The following NFX1 variants were observed in gnomAD, a reference collection of about 807,000 sequenced individuals.
The protein encoded by NFX1 is nuclear transcription factor, X-box binding 1.
Under a neutral mutation model 137.2 loss-of-function variants are expected in NFX1, and 69 were observed. The ratio of observed to expected loss-of-function variants is 0.50; its 90% confidence interval spans 0.41 to 0.61. NFX1 has a LOEUF of 0.61. Among genes scored for constraint, NFX1 ranks in the 20% least tolerant of loss-of-function variants. The probability of loss-of-function intolerance (pLI) is 0.00; values close to 1 mark genes in which losing one functional copy is unlikely to be tolerated. For synonymous variants in NFX1, 495 were observed against 474.1 expected (o/e 1.04, Z -0.57); for missense variants, 1,167 against 1,391.0 (o/e 0.84, Z 2.56).
intron 14 of NFX1, 55 bp from the exon 15 acceptor site, chr9:33,346,983 G>T: frequency 7.0e-7 from 1 of 1,437,990 alleles, no homozygotes. Flanking sequence ...ATGTATAATG[G>T]TTTACATGGC....
rs759402860 is a variant in NFX1, at chr9:33,344,081, T to A, written c.2237T>A (p.Leu746Ter). 4 of 1,613,926 alleles carry A rather than the reference T, an allele frequency of 2.5e-6. No individual in the cohort carries two copies. The highest frequency in any genetic ancestry group is 3.4e-6 in the Non-Finnish European group (4 of 1,179,932). The change falls in exon 14 of 24, where the codon TTA (leucine) becomes TAA (stop). Residue 746 changes from leucine (L) to a stop codon, truncating the protein, a stop_gained. Transcript: ENST00000379540. LOFTEE classifies it high-confidence loss of function. ...GCTGCTCCACCAGGTTTTGATGAAT[T>A]AACCTGCCATTGTGGTGCATCAGTG... The part of the protein sequence containing the change: ...QTCWQASFDE[L>*]TCHCGASVIY...
chr9:33,361,450 T>G (rs901739630), intron 19 of NFX1, among the ~76,000 whole-genome samples: 1 of 151,988 alleles, frequency 6.6e-6, no homozygotes, highest in Non-Finnish European at 1.5e-5. Context: ...GGTGAGACAA[T>G]TTTGAATATA....
At chr9:33,366,893 G>C in intron 22 of NFX1, 119 bp downstream of exon 22, 1 of 1,270,810 alleles carries the variant, frequency 7.9e-7, no homozygotes, top group Non-Finnish European at 1.1e-6. Flanking sequence ...AAAGTAGAAG[G>C]AAAATCTGCT....
chr9:33,361,155 G>C (rs1823974139), intron 19 of NFX1, among the ~76,000 whole-genome samples: 4 of 152,116 alleles, frequency 2.6e-5, no homozygotes, highest in Admixed American at 2.6e-4. Flanking sequence ...CTGAGGAACT[G>C]TTAAAGAAAC....
intron 12 of NFX1, among the ~76,000 whole-genome samples, chr9:33,341,695 A>T (rs886275581): frequency 2.6e-5 from 4 of 152,204 alleles, no homozygotes; most frequent in African/African-American, 9.6e-5. Flanking sequence ...TTTGAGGCCG[A>T]GGTGGGTGGA....
intron 9 of NFX1, among the ~76,000 whole-genome samples, chr9:33,324,320 A>G (rs1057417717): frequency 2.6e-5 from 4 of 152,188 alleles, no homozygotes; most frequent in Non-Finnish European, 4.4e-5. Context: ...CGGAGGTTGC[A>G]GTGAGCCGAG....
At chr9:33,354,407 G>A (rs1460092018) in intron 18 of NFX1, among the ~76,000 whole-genome samples, 6 of 152,270 alleles carry the variant, frequency 3.9e-5, no homozygotes, top group Admixed American at 2.0e-4. Context: ...CACAGTAACC[G>A]AAGGAAGCAG....
chr9:33,352,856 T>TAAAC, intron 17 of NFX1, 137 bp downstream of exon 17: 1 of 667,628 alleles, frequency 1.5e-6, no homozygotes, highest in Middle Eastern at 3.7e-4. Flanking sequence ...TAATCAGTTG[T>TAAAC]AAACACCACT....
intron 21 of NFX1, 27 bp downstream of exon 21, chr9:33,364,801 A>G: frequency 6.2e-7 from 1 of 1,612,792 alleles, no homozygotes; most frequent in Non-Finnish European, 8.5e-7. Context: ...CCCACTGGAC[A>G]TTTCTCTAAG....
At chr9:33,367,704 A>G (rs1268532340) in intron 23 of NFX1, 85 bp downstream of exon 23, 20 of 1,312,844 alleles carry the variant, frequency 1.5e-5, no homozygotes, top group Admixed American at 1.1e-4. Flanking sequence ...TGCACCAGCC[A>G]TTGGTGGCCT....
intron 7 of NFX1, among the ~76,000 whole-genome samples, chr9:33,315,975 G>A (rs952272409): frequency 6.6e-6 from 1 of 152,058 alleles, no homozygotes; most frequent in Non-Finnish European, 1.5e-5. Flanking sequence ...TCGAAACTCG[G>A]TGTTCTTTGA....
At chr9:33,358,602 A>G (rs1424212331) in intron 19 of NFX1, among the ~76,000 whole-genome samples, 6 of 151,446 alleles carry the variant, frequency 4.0e-5, no homozygotes, top group Admixed American at 3.9e-4. Context: ...CAGCAGGCAT[A>G]AAAATATATC....
intron 9 of NFX1, among the ~76,000 whole-genome samples, chr9:33,327,057 A>G (rs1004562557): frequency 2.9e-4 from 44 of 152,254 alleles, no homozygotes; most frequent in Admixed American, 5.9e-4. Context: ...GCAAATGAAA[A>G]TAGGAAAGGA....
intron 14 of NFX1, among the ~76,000 whole-genome samples, chr9:33,345,535 C>T (rs77469097): frequency 6.6e-6 from 1 of 152,098 alleles, no homozygotes; most frequent in Admixed American, 6.6e-5. Context: ...TATATGTCAC[C>T]TCCAAAGAAT....
chr9:33,349,711 GTC>G (rs537954303), intron 15 of NFX1, among the ~76,000 whole-genome samples: 93 of 152,134 alleles, frequency 6.1e-4, no homozygotes, highest in African/African-American at 2.0e-3. Context: ...ATCCCCTGTT[GTC>G]TCTTAATTTT....
At chr9:33,298,437 G>C (rs1821436772) in intron 2 of NFX1, among the ~76,000 whole-genome samples, 1 of 152,194 alleles carries the variant, frequency 6.6e-6, no homozygotes, top group Admixed American at 6.5e-5. Flanking sequence ...ATGAGAGGCT[G>C]CTGGAAGGTC....
intron 12 of NFX1, among the ~76,000 whole-genome samples, chr9:33,341,990 C>T (rs1249154316): frequency 1.3e-5 from 2 of 151,736 alleles, no homozygotes; most frequent in South Asian, 2.1e-4. Flanking sequence ...GTTGTGGGCA[C>T]CTGTAATCCC....
rs1360534789 is a variant in NFX1, at chr9:33,363,178, A to G, written c.2874-832A>G. ...ATTTGGTCATTATACAACATAGTAT[A>G]TATGTACCGAGACATCAACATCAAA... is the stretch of plus-strand genomic sequence containing the variant. On this transcript the variant is annotated intron_variant, in intron 19 of 23. Transcript: ENST00000379540. 6.6e-5 allele frequency among the ~76,000 whole-genome samples: 10 copies of G among 152,006 alleles called. No homozygotes were observed. The East Asian group carries it at 1.9e-3, about 29-fold the overall frequency.
In NFX1 at chr9:33,350,588, A is replaced by G. The variant is rs147250148; in HGVS notation, c.2425-972A>G. On this transcript the variant is annotated intron_variant, in intron 15 of 23. Coordinates refer to ENST00000379540, the MANE Select transcript of NFX1 (RefSeq NM_002504.6). The stretch of plus-strand genomic sequence containing the variant: ...CTGCTGCAAATCCTTTTGAGTCATA[A>G]CAGGGATTATTAAATAAAGTTAAGG... Among the ~76,000 whole-genome samples the G allele has an allele frequency of 3.7e-3, 569 of 152,352 alleles. 1 individual carries two copies. The highest frequency in any genetic ancestry group is 0.013 in the African/African-American group (541 of 41,588).
Sources: gnomAD v4.1 joint callset for allele counts (sites outside exome capture counted in the v4.1 genomes callset) on GRCh38, gnomAD v4.1.1 for gene constraint, MANE v1.5 for transcripts, NCBI Gene and HGNC (gene_info 2026-07-23, HGNC 2026-07-21) for gene names.